Variants in MBTD1 observed in about 807,000 individuals in gnomAD.
MBTD1 encodes the protein mbt domain containing 1.
Under a neutral mutation model 87.8 loss-of-function variants are expected in MBTD1, and 24 were observed. The ratio of observed to expected loss-of-function variants is 0.27; its 90% CI spans 0.20 to 0.38. The LOEUF is 0.38. MBTD1 is among the 10% of genes least tolerant of loss of function. The probability of loss-of-function intolerance (pLI) is 1.00; values close to 1 mark genes in which losing one functional copy is unlikely to be tolerated. For missense variants in MBTD1, 436 were observed against 760.2 expected (o/e 0.57, Z 5.02); for synonymous variants, 237 against 248.6 (o/e 0.95, Z 0.44).
intron 2 of MBTD1, among the ~76,000 whole-genome samples, chr17:51,236,673 C>T (rs1344425919): frequency 6.6e-6 from 1 of 152,170 alleles, no homozygotes; most frequent in African/African-American, 2.4e-5. Context: ...CTGCTGCCCT[C>T]ACAGGCCTAC....
intron 2 of MBTD1, among the ~76,000 whole-genome samples, chr17:51,252,687 T>G (rs530040921): frequency 6.6e-6 from 1 of 151,918 alleles, no homozygotes; most frequent in South Asian, 2.1e-4. Context: ...AGAGCCAAGA[T>G]TGAGCTACTG....
intron 16 of MBTD1, chr17:51,191,862 T>TGCTC (rs983544937): frequency 1.3e-5 from 3 of 237,864 alleles, no homozygotes; most frequent in African/African-American, 7.1e-5. Flanking sequence ...ATTACAGGCG[T>TGCTC]GAGCCACTGC....
In MBTD1 at chr17:51,208,712, G is replaced by A. The variant is rs72826471; in HGVS notation, c.487-1707C>T. Among the ~76,000 whole-genome samples the A allele has an allele frequency of 5.0e-3, 769 of 152,302 alleles. 7 individuals carry two copies. Among genetic ancestry groups the A allele is most frequent in the Non-Finnish European group, 7.9e-3 (539 of 68,026 alleles). ...GAAAGAGGCGTGCTTATGCTAATGA[G>A]CTGGGGGTCAGGTTGGCACACTGGT... On this transcript the variant is annotated intron_variant, in intron 6 of 16. Coordinates refer to ENST00000586178, the MANE Select transcript of MBTD1 (RefSeq NM_017643.3).
intron 4 of MBTD1, among the ~76,000 whole-genome samples, chr17:51,219,357 A>ACT (rs2052754427): frequency 1.3e-5 from 2 of 152,244 alleles, no homozygotes; most frequent in Non-Finnish European, 2.9e-5. Context: ...TCCTTCTTAC[A>ACT]GTAGATAGAA....
Position 51,201,609 on chromosome 17 carries a change from C to A in MBTD1, c.1207G>T (p.Val403Phe). 5.6e-6 allele frequency: 9 copies of A among 1,604,282 alleles called. No homozygotes were observed. Among genetic ancestry groups the A allele is most frequent in the Non-Finnish European group, 7.7e-6 (9 of 1,174,106 alleles). Reference sequence around the variant, plus strand: ...TATCTTACCTTTCTAATGGTTGCGACACATATTGTAGAAAGATTTAATGGG... The same window carrying A: ...TATCTTACCTTTCTAATGGTTGCGAAACATATTGTAGAAAGATTTAATGGG... ...IDPLNLSTIC[V>F]ATIRKVLADG... The change falls in exon 12 of 17, where the codon GTC becomes TTC. Residue 403 changes from valine to phenylalanine, a missense_variant. Val to Phe is a conservative substitution (Grantham distance 50). This residue lies in a region of MBTD1 where 268 missense variants were observed against 401.8 expected (regional missense o/e 0.67). Transcript: ENST00000586178.
intron 12 of MBTD1, 90 bp downstream of exon 12, chr17:51,201,502 G>C: frequency 1.3e-6 from 1 of 749,898 alleles, no homozygotes; most frequent in Non-Finnish European, 2.2e-6. Flanking sequence ...CACATTTTAT[G>C]TCAAAACGAA....
rs2050220261 is a variant in MBTD1 at position 51,179,508 on chromosome 17, A to ATATATATATATTTATATT, written c.*1067_*1068insAATATAAATATATATATA. On this transcript the variant is annotated 3_prime_UTR_variant, in exon 17 of 17. Coordinates refer to ENST00000586178, the MANE Select transcript of MBTD1 (RefSeq NM_017643.3). ...TTTATATATATATATATATATATATATATATATATATATATATATATATAT... is the reference window on the plus strand; with the variant it reads ...TTTATATATATATATATATATATATATATATATATATTTATATTTATATATATATATATATATATATAT... 1.2e-5 allele frequency: 1 copy of ATATATATATATTTATATT among 83,816 alleles called. No homozygotes were observed. Among genetic ancestry groups the ATATATATATATTTATATT allele is most frequent in the African/African-American group, 4.4e-5 (1 of 22,488 alleles). 5.2% of individuals were successfully genotyped at this position (83,816 alleles called of 1,614,324 possible). A position where few individuals can be genotyped will look rare whatever the true frequency, so the allele number is the denominator to read the frequency against.
chr17:51,195,227 A>G lies in MBTD1; in HGVS notation c.1359T>C (p.Leu453=), dbSNP rs369301698. The change falls in exon 13 of 17, where the codon CTT becomes CTC. Residue 453 remains leucine (L), a synonymous_variant. Transcript: ENST00000586178. The part of the protein sequence containing the change: ...VGFCEINMIE[L]TPPRGYTKLP... Reference sequence around the variant, plus strand: ...AGGATGAAGTACCTCTGGGTGGAGTAAGTTCAATCATGTTAATTTCACAGA... The same window carrying G: ...AGGATGAAGTACCTCTGGGTGGAGTGAGTTCAATCATGTTAATTTCACAGA... 31 of 1,612,654 alleles carry G rather than the reference A, an allele frequency of 1.9e-5. No individual in the cohort carries two copies. The highest frequency in any genetic ancestry group is 2.5e-5 in the Non-Finnish European group (29 of 1,179,550).
chr17:51,204,513 A>G lies in MBTD1; in HGVS notation c.605-588T>C, dbSNP rs1318292412. Among the ~76,000 whole-genome samples, 3 of 145,064 alleles carry G rather than the reference A, an allele frequency of 2.1e-5. No individual in the cohort carries two copies. In the East Asian group the frequency reaches 6.0e-4, roughly 29 times the overall value. On this transcript the variant is annotated intron_variant, in intron 7 of 16. Coordinates refer to ENST00000586178, the MANE Select transcript of MBTD1 (RefSeq NM_017643.3). ...TATATATAATTATATATATATATAT[A>G]TTTTATGAAGACAGGGTCTTGCTCT...
At chr17:51,236,018 T>C (rs1313478159) in intron 2 of MBTD1, among the ~76,000 whole-genome samples, 1 of 152,132 alleles carries the variant, frequency 6.6e-6, no homozygotes, top group African/African-American at 2.4e-5. Context: ...TCTCTCTCTA[T>C]ATGTATGTCT....
chr17:51,237,273 G>A (rs1468552437), intron 2 of MBTD1, among the ~76,000 whole-genome samples: 1 of 142,318 alleles, frequency 7.0e-6, no homozygotes, highest in Non-Finnish European at 1.5e-5. Context: ...TCCAGCCTGG[G>A]TGATGGTGTG....
chr17:51,243,621 CCTT>C (rs1306523267), intron 2 of MBTD1, among the ~76,000 whole-genome samples: 8 of 152,278 alleles, frequency 5.3e-5, no homozygotes, highest in East Asian at 1.9e-4. Context: ...AGCATTTCCT[CCTT>C]CAAGACCAGG....
intron 2 of MBTD1, among the ~76,000 whole-genome samples, chr17:51,254,871 A>AT (rs1459232580): frequency 2.6e-5 from 4 of 152,238 alleles, no homozygotes; most frequent in African/African-American, 9.6e-5. Context: ...TGGCCTAGAG[A>AT]TTCCCTGAGA....
In MBTD1 at chr17:51,252,441, C is replaced by T. The variant is rs960108009; in HGVS notation, c.-49+6702G>A. Among the ~76,000 whole-genome samples, 6 of 151,966 alleles carry T rather than the reference C, an allele frequency of 3.9e-5. No individual in the cohort carries two copies. The East Asian group carries it at 1.2e-3, about 29-fold the overall frequency. On this transcript the variant is annotated intron_variant, in intron 2 of 16. Transcript: ENST00000586178. ...AACATTTTGCTCTTCAAAATAAAAC[C>T]GAGGCCAGGTGCAGTGGCTCACACC... is the stretch of plus-strand genomic sequence containing the variant.
At chr17:51,208,201 A>G (rs1375338335) in intron 6 of MBTD1, among the ~76,000 whole-genome samples, 2 of 152,194 alleles carry the variant, frequency 1.3e-5, no homozygotes, top group African/African-American at 2.4e-5. Context: ...GAGGAAGAGA[A>G]TGTCAAATAC....
At chr17:51,229,387 A>C (rs2053427698) in intron 2 of MBTD1, among the ~76,000 whole-genome samples, 1 of 152,146 alleles carries the variant, frequency 6.6e-6, no homozygotes, top group South Asian at 2.1e-4. Context: ...AAATGACCAC[A>C]AAACAAAGCT....
chr17:51,199,911 A>C lies in MBTD1; in HGVS notation c.1224+1681T>G, dbSNP rs377280582. 4.6e-4 allele frequency among the ~76,000 whole-genome samples: 67 copies of C among 144,918 alleles called. 1 individual carries two copies. The East Asian group carries it at 0.013, about 28-fold the overall frequency. Reference sequence around the variant, plus strand: ...ACCATCTTGGCTCACTGCAACCTCCACCTCCCGGGTTCAAGTGATTCTCCT... The same window carrying C: ...ACCATCTTGGCTCACTGCAACCTCCCCCTCCCGGGTTCAAGTGATTCTCCT... On this transcript the variant is annotated intron_variant, in intron 12 of 16. Coordinates refer to ENST00000586178, the MANE Select transcript of MBTD1 (RefSeq NM_017643.3).
intron 2 of MBTD1, among the ~76,000 whole-genome samples, chr17:51,248,783 C>T (rs962226672): frequency 3.0e-4 from 46 of 152,292 alleles, no homozygotes; most frequent in African/African-American, 9.9e-4. Flanking sequence ...AAAGCTGCCA[C>T]GAAAATTCTT....
intron 7 of MBTD1, among the ~76,000 whole-genome samples, chr17:51,204,904 G>A (rs76930540): frequency 1.6e-3 from 237 of 152,214 alleles, no homozygotes; most frequent in African/African-American, 5.5e-3. Flanking sequence ...TTTTTCTGTC[G>A]TATGTATTTG....
Sources: gnomAD v4.1 joint callset for allele counts (sites outside exome capture counted in the v4.1 genomes callset) on GRCh38, gnomAD v4.1.1 for gene constraint, gnomAD v4.1.1 regional missense constraint, MANE v1.5 for transcripts, NCBI Gene and HGNC (gene_info 2026-07-23, HGNC 2026-07-21) for gene names.